The following TRPC5 variants were observed in gnomAD, a reference collection of about 807,000 sequenced individuals.
TRPC5 encodes transient receptor potential cation channel subfamily C member 5, also known as short transient receptor potential channel 5.
In TRPC5, 9 loss-of-function variants were observed where a neutral mutation model predicts 56.5. That is an observed-to-expected ratio of 0.16 (90% CI 0.10 to 0.28). The LOEUF (loss-of-function observed/expected upper bound fraction) is 0.28, where lower values mean the gene tolerates loss of function less well. Among genes scored for constraint, TRPC5 ranks in the 10% least tolerant of loss-of-function variants. The pLI is 1.00. For synonymous variants in TRPC5, 282 were observed against 278.5 expected, an observed-to-expected ratio of 1.01 and a Z score of -0.13; for missense variants, 469 against 748.9, an observed-to-expected ratio of 0.63 and a Z score of 4.36.
chrX:111,814,402 G>T (rs1278303983), intron 7 of TRPC5, among the ~76,000 whole-genome samples: 1 of 110,957 alleles, frequency 9.0e-6, no homozygotes, highest in Non-Finnish European at 1.9e-5. Context: ...TCTGGGGCCT[G>T]CTGGGAATCA....
At chrX:111,922,594 A>G (rs771322352) in intron 2 of TRPC5, among the ~76,000 whole-genome samples, 75 of 112,307 alleles carry the variant, frequency 6.7e-4, no homozygotes, top group Middle Eastern at 4.6e-3. Flanking sequence ...TTAGTTAGCT[A>G]GTAGTGGTGA....
intron 6 of TRPC5, among the ~76,000 whole-genome samples, chrX:111,841,615 A>T (rs1322684334): frequency 8.9e-6 from 1 of 111,957 alleles, no homozygotes; most frequent in Non-Finnish European, 1.9e-5. Context: ...TAAACGTTCC[A>T]CCTTGTTATT....
At chrX:111,876,392 T>G (rs1298267738) in intron 3 of TRPC5, 1 of 112,112 alleles carries the variant, frequency 8.9e-6, no homozygotes, top group Non-Finnish European at 1.9e-5. Flanking sequence ...AGCACTTGCC[T>G]TCTTCTCCTG....
chrX:111,928,596 G>A (rs1269720683), intron 2 of TRPC5, among the ~76,000 whole-genome samples: 1 of 112,025 alleles, frequency 8.9e-6, no homozygotes, highest in East Asian at 2.8e-4. Flanking sequence ...AGCGGACCAA[G>A]TGTTAAAAGA....
At chrX:111,883,820 C>T (rs1160010441) in intron 3 of TRPC5, among the ~76,000 whole-genome samples, 1 of 112,763 alleles carries the variant, frequency 8.9e-6, no homozygotes, top group Non-Finnish European at 1.9e-5. Context: ...TAGTCCTAGT[C>T]TACTTAAGTC....
intron 3 of TRPC5, among the ~76,000 whole-genome samples, chrX:111,860,117 C>G (rs979479582): frequency 1.8e-5 from 2 of 112,330 alleles, no homozygotes; most frequent in African/African-American, 6.5e-5. Flanking sequence ...ACCGTGTTAG[C>G]CAGGATGGTC....
At chrX:112,081,835 A>T (rs1170815309) in intron 1 of TRPC5, 44 bp downstream of exon 1, 1 of 112,094 alleles carries the variant, frequency 8.9e-6, no homozygotes, top group Non-Finnish European at 1.9e-5. Context: ...CCTCAGCAGC[A>T]CTCAGGCAGT....
rs150566623 is a variant in TRPC5, at chrX:111,771,303, G to C, written c.*5010C>G. ...AGAAAACTAGCTTTTTGGCATAAGGGCATTCCACTTAGTTTTATGTTTAAA... is the reference window on the plus strand; with the variant it reads ...AGAAAACTAGCTTTTTGGCATAAGGCCATTCCACTTAGTTTTATGTTTAAA... On this transcript the variant is annotated 3_prime_UTR_variant, in exon 11 of 11. Transcript: ENST00000262839. Among the ~76,000 whole-genome samples, 110 of 111,550 alleles carry C rather than the reference G, an allele frequency of 9.9e-4. No homozygotes were observed. The East Asian group carries it at 0.023, about 23-fold the overall frequency.
intron 6 of TRPC5, among the ~76,000 whole-genome samples, chrX:111,836,044 C>T (rs949467225): frequency 5.4e-5 from 6 of 111,496 alleles, no homozygotes; most frequent in Non-Finnish European, 1.1e-4. Flanking sequence ...GACTGAATGA[C>T]TTGCCCAAGG....
At chrX:111,966,371 T>G (rs1052817631) in intron 1 of TRPC5, among the ~76,000 whole-genome samples, 1 of 111,493 alleles carries the variant, frequency 9.0e-6, no homozygotes, top group Non-Finnish European at 1.9e-5. Context: ...CAGGACCAGA[T>G]GGATTCACAG....
At chrX:111,967,983 T>G (rs956936136) in intron 1 of TRPC5, among the ~76,000 whole-genome samples, 2 of 110,266 alleles carry the variant, frequency 1.8e-5, no homozygotes, top group Admixed American at 1.9e-4. Flanking sequence ...GGGATCTAAT[T>G]AAACTAAAGA....
At chrX:111,823,610 G>A (rs1760786814) in intron 7 of TRPC5, among the ~76,000 whole-genome samples, 1 of 111,231 alleles carries the variant, frequency 9.0e-6, no homozygotes, top group Non-Finnish European at 1.9e-5. Flanking sequence ...AGAAGAAACT[G>A]GTTGTGTGAA....
At chrX:111,791,333 T>C (rs1946019590) in intron 7 of TRPC5, among the ~76,000 whole-genome samples, 1 of 111,462 alleles carries the variant, frequency 9.0e-6, no homozygotes, top group Non-Finnish European at 1.9e-5. Flanking sequence ...AGAGGAGACA[T>C]GGAAGCAAAG....
intron 1 of TRPC5, among the ~76,000 whole-genome samples, chrX:111,982,242 T>G (rs139817397): frequency 8.9e-6 from 1 of 112,064 alleles, no homozygotes; most frequent in Non-Finnish European, 1.9e-5. Context: ...AATATAATAT[T>G]CGTTATAAAA....
At chrX:112,053,269 G>A (rs1365124743) in intron 1 of TRPC5, among the ~76,000 whole-genome samples, 2 of 111,860 alleles carry the variant, frequency 1.8e-5, no homozygotes, top group African/African-American at 6.5e-5. Context: ...TATTTAAATT[G>A]GTTTGGGGAA....
At chrX:112,014,596 C>G (rs1424051802) in intron 1 of TRPC5, among the ~76,000 whole-genome samples, 2 of 112,106 alleles carry the variant, frequency 1.8e-5, no homozygotes, top group African/African-American at 6.5e-5. Context: ...TCTATCTGTT[C>G]AAGGATGTGT....
At chrX:111,791,826 G>A (rs1946023574) in intron 7 of TRPC5, among the ~76,000 whole-genome samples, 1 of 112,329 alleles carries the variant, frequency 8.9e-6, no homozygotes, top group Non-Finnish European at 1.9e-5. Flanking sequence ...TGAGGATAAA[G>A]CACTGTCCTT....
chrX:112,036,520 G>A (rs191524339), intron 1 of TRPC5, among the ~76,000 whole-genome samples: 2,669 of 112,004 alleles, frequency 0.024, 87 homozygotes, highest in African/African-American at 0.082. Context: ...CAAGACCACC[G>A]CCAAACTAGG....
intron 1 of TRPC5, among the ~76,000 whole-genome samples, chrX:112,041,673 T>A (rs1929895838): frequency 8.9e-6 from 1 of 111,879 alleles, no homozygotes; most frequent in South Asian, 3.8e-4. Context: ...CTGGTGACCT[T>A]GAAGATCCTA....
Sources: gnomAD v4.1 joint callset for allele counts (sites outside exome capture counted in the v4.1 genomes callset) on GRCh38, gnomAD v4.1.1 for gene constraint, MANE v1.5 for transcripts, NCBI Gene and HGNC (gene_info 2026-07-23, HGNC 2026-07-21) for gene names.